Variants in C17orf75 observed in about 807,000 individuals in gnomAD.
The protein encoded by C17orf75 is chromosome 17 open reading frame 75.
In C17orf75, 32 loss-of-function variants were observed where a neutral mutation model predicts 49.6. The observed-to-expected ratio is 0.65, with a 90% CI of 0.49 to 0.87. The LOEUF is 0.87. C17orf75 is among the 40% of genes least tolerant of loss of function. The pLI is 0.00. For synonymous variants in C17orf75, 158 were observed against 159.5 expected (o/e 0.99, Z 0.07); for missense variants, 428 against 473.9 (o/e 0.90, Z 0.90).
intron 5 of C17orf75, among the ~76,000 whole-genome samples, chr17:32,337,571 T>C (rs2041337811): frequency 6.6e-6 from 1 of 152,290 alleles, no homozygotes; most frequent in Non-Finnish European, 1.5e-5. Context: ...AATCACAGTA[T>C]ATTAATCATT....
At chr17:32,337,981 A>G in intron 4 of C17orf75, 27 bp from the exon 5 acceptor site, 1 of 1,577,084 alleles carries the variant, frequency 6.3e-7, no homozygotes, top group East Asian at 2.3e-5. Context: ...GCAATAAAGG[A>G]TGAATAATGA....
intron 3 of C17orf75, among the ~76,000 whole-genome samples, chr17:32,339,408 TAA>T (rs574223196): frequency 5.4e-4 from 62 of 114,810 alleles, no homozygotes; most frequent in Admixed American, 6.4e-4. Flanking sequence ...ACCCCATTTC[TAA>T]AAAAAAAAAA....
chr17:32,345,970 A>G (rs1277581446), upstream of C17orf75, among the ~76,000 whole-genome samples: 2 of 152,148 alleles, frequency 1.3e-5, no homozygotes, highest in African/African-American at 4.8e-5. Flanking sequence ...CTCAGCTGAT[A>G]TATGTATCTA....
In C17orf75 at chr17:32,340,976, T is replaced by C. The variant is rs2041374276; in HGVS notation, c.221+228A>G. 5 of 548,848 alleles carry C rather than the reference T, an allele frequency of 9.1e-6. No homozygotes were observed. In the South Asian group the frequency reaches 1.2e-4, roughly 13 times the overall value. The allele number at this position is 548,848 out of a possible 1,614,324, so 34.0% of individuals were successfully genotyped here. A position where few individuals can be genotyped will look rare whatever the true frequency, so the allele number is the denominator to read the frequency against. Reference sequence around the variant, plus strand: ...AAAGGAAAAAGAAAAAAAAAGGATTTCTTTTTGGCTAATCACCAAGCACAC... The same window carrying C: ...AAAGGAAAAAGAAAAAAAAAGGATTCCTTTTTGGCTAATCACCAAGCACAC... On this transcript the variant is annotated intron_variant, in intron 2 of 9. Coordinates refer to ENST00000577809, the MANE Select transcript of C17orf75 (RefSeq NM_022344.4).
chr17:32,348,625 G>A (rs1160291578), intron 1 of C17orf75, among the ~76,000 whole-genome samples: 1 of 152,124 alleles, frequency 6.6e-6, no homozygotes, highest in Non-Finnish European at 1.5e-5. Context: ...AAGTTTAACT[G>A]CCTTGCCCAA....
rs975882666 is a variant in C17orf75 at position 32,341,138 on chromosome 17, A to G, written c.221+66T>C. 16 of 1,516,244 alleles carry G rather than the reference A, an allele frequency of 1.1e-5. No individual in the cohort carries two copies. In the African/African-American group the frequency reaches 1.5e-4, roughly 14 times the overall value. The allele number at this position is 1,516,244 out of a possible 1,614,324, so 93.9% of individuals were successfully genotyped here. On this transcript the variant is annotated intron_variant, in intron 2 of 9. Transcript: ENST00000577809. ...CAGTGGAAATAGAGTATCCACTGAC[A>G]TGTACAGGCCAGAGATGCAGGGAAG...
At chr17:32,332,181 TGCCCA>T (rs1331058719) in intron 9 of C17orf75, among the ~76,000 whole-genome samples, 1 of 152,202 alleles carries the variant, frequency 6.6e-6, no homozygotes, top group Non-Finnish European at 1.5e-5. Context: ...TCGCTCTTGT[TGCCCA>T]GGCTGAAGCG....
upstream of C17orf75, among the ~76,000 whole-genome samples, chr17:32,346,423 T>A (rs530509319): frequency 6.6e-6 from 1 of 152,272 alleles, no homozygotes; most frequent in African/African-American, 2.4e-5. Context: ...AGCTAATTTT[T>A]AATTTTTTCA....
intron 3 of C17orf75, 47 bp downstream of exon 3, chr17:32,339,766 T>C (rs770335600): frequency 8.7e-6 from 14 of 1,603,794 alleles, no homozygotes; most frequent in Middle Eastern, 3.3e-4. Flanking sequence ...ACTTCTCATA[T>C]TTAGTTCAGA....
upstream of C17orf75, chr17:32,343,995 T>C (rs1210655455): frequency 2.9e-6 from 2 of 682,098 alleles, no homozygotes; most frequent in Non-Finnish European, 5.4e-6. Context: ...TTGTGAAATA[T>C]CGTGGGTTTA....
intron 1 of C17orf75, among the ~76,000 whole-genome samples, chr17:32,347,908 C>T (rs1383760177): frequency 6.6e-6 from 1 of 152,134 alleles, no homozygotes; most frequent in African/African-American, 2.4e-5. Context: ...GATGGTCTCA[C>T]TATGGTGCCC....
In C17orf75 at chr17:32,341,288, C is replaced by G; in HGVS notation, c.141-4G>C. 1 of 1,603,182 alleles carries G rather than the reference C, an allele frequency of 6.2e-7. No individual in the cohort carries two copies. Among genetic ancestry groups the G allele is most frequent in the South Asian group, 1.1e-5 (1 of 90,200 alleles). On this transcript the variant is annotated splice_polypyrimidine_tract_variant and splice_region_variant and intron_variant, in intron 1 of 9. Transcript: ENST00000577809. ...GTCCCCTCGTTGCTGTGCCAATCTACAAGCCACAAAACCAATAGTGCTATC... is the reference window on the plus strand; with the variant it reads ...GTCCCCTCGTTGCTGTGCCAATCTAGAAGCCACAAAACCAATAGTGCTATC...
chr17:32,331,870 T>C lies in C17orf75; in HGVS notation c.1084A>G (p.Ile362Val). 1.2e-6 allele frequency: 2 copies of C among 1,613,496 alleles called. No individual in the cohort carries two copies. Among genetic ancestry groups the C allele is most frequent in the Non-Finnish European group, 1.7e-6 (2 of 1,179,506 alleles). The change falls in exon 10 of 10, where the codon ATA becomes GTA. Residue 362 changes from isoleucine to valine, a missense_variant. Transcript: ENST00000577809. ...TCCACTTTAACAATCTTCAAAAGTATATCTCCACTACCACAGTTCTTTAGG... is the reference window on the plus strand; with the variant it reads ...TCCACTTTAACAATCTTCAAAAGTACATCTCCACTACCACAGTTCTTTAGG... The part of the protein sequence containing the change: ...MFLKNCGSGD[I>V]LLKIVKVEHE...
intron 7 of C17orf75, 26 bp downstream of exon 7, chr17:32,334,749 T>C: frequency 3.2e-6 from 5 of 1,580,358 alleles, no homozygotes; most frequent in African/African-American, 1.3e-5. Flanking sequence ...GGAAAAGCTT[T>C]TCTCTTTGAA....
At chr17:32,337,524 G>A (rs192984542) in intron 5 of C17orf75, among the ~76,000 whole-genome samples, 40 of 152,102 alleles carry the variant, frequency 2.6e-4, no homozygotes, top group African/African-American at 8.9e-4. Context: ...GAATACAGGC[G>A]TCTTTGTGTC....
chr17:32,338,095 T>C, intron 4 of C17orf75, 113 bp downstream of exon 4: 1 of 1,526,486 alleles, frequency 6.6e-7, no homozygotes, highest in Non-Finnish European at 9.0e-7. Flanking sequence ...GGTATGAAAT[T>C]CAACTAAATA....
rs937231191 is a variant in C17orf75 at position 32,329,315 on chromosome 17, C to G, written c.*2448G>C. On this transcript the variant is annotated 3_prime_UTR_variant, in exon 10 of 10. Transcript: ENST00000577809. ...TCTCCTGACCTCATGATCTGCCCGCCTAGGCCTCCCAAAGTGCTGGGATTA... is the reference window on the plus strand; with the variant it reads ...TCTCCTGACCTCATGATCTGCCCGCGTAGGCCTCCCAAAGTGCTGGGATTA... The G allele has an allele frequency of 2.6e-5, 4 of 152,336 alleles. No individual in the cohort carries two copies. Among genetic ancestry groups the G allele is most frequent in the South Asian group, 4.1e-4 (2 of 4,822 alleles). The allele number at this position is 152,336 out of a possible 1,614,324, so 9.4% of individuals were successfully genotyped here.
chr17:32,341,403 C>T (rs755038408), intron 1 of C17orf75, 119 bp from the exon 2 acceptor site: 25 of 938,698 alleles, frequency 2.7e-5, no homozygotes, highest in African/African-American at 4.8e-5. Context: ...GGTGGAAGTG[C>T]ACTGCCTATC....
chr17:32,349,044 T>G (rs1336452494), intron 1 of C17orf75, among the ~76,000 whole-genome samples: 1 of 151,844 alleles, frequency 6.6e-6, no homozygotes, highest in Non-Finnish European at 1.5e-5. Context: ...TTTTGTATTT[T>G]TAGTAGAGAC....
Sources: allele counts gnomAD v4.1 joint callset (sites outside exome capture counted in the v4.1 genomes callset), GRCh38; gene constraint gnomAD v4.1.1; transcripts MANE v1.5; gene names NCBI Gene and HGNC (gene_info 2026-07-23, HGNC 2026-07-21).